EBF1: variants seen among roughly 807,000 people sequenced by gnomAD.
EBF1 encodes transcription factor COE1.
EBF1 carries 10 observed loss-of-function variants against 68.4 expected under a neutral mutation model. The observed-to-expected ratio is 0.15, with a 90% CI of 0.09 to 0.25. EBF1 has a LOEUF of 0.25. Among genes scored for constraint, EBF1 ranks in the 10% least tolerant of loss-of-function variants. The pLI is 1.00. For missense variants in EBF1, 509 were observed against 794.4 expected (o/e 0.64, Z 4.32); for synonymous variants, 298 against 299.8 (o/e 0.99, Z 0.06).
intron 6 of EBF1, among the ~76,000 whole-genome samples, chr5:158,869,343 A>G (rs1454797341): frequency 6.6e-6 from 1 of 152,104 alleles, no homozygotes; most frequent in Admixed American, 6.5e-5. Context: ...GGAGGACCCA[A>G]AGGATCTGGA....
At position 159,099,511 on chromosome 5, in the gene EBF1, C is replaced by T. The variant is rs781187371; in HGVS notation, c.-33G>A. ...ACCTTTTCTTGTGGAAAATCTCCTC[C>T]CCCTTGAAAAAAATTAAAAAAAAAA... On this transcript the variant is annotated 5_prime_UTR_variant, in exon 1 of 16. Coordinates refer to ENST00000313708, the MANE Select transcript of EBF1 (RefSeq NM_024007.5). 8.7e-6 allele frequency: 12 copies of T among 1,380,040 alleles called. No individual in the cohort carries two copies. The highest frequency in any genetic ancestry group is 1.7e-5 in the South Asian group (1 of 58,164). 85.5% of individuals were successfully genotyped at this position (1,380,040 alleles called of 1,614,324 possible).
intron 3 of EBF1, 91 bp from the exon 4 acceptor site, chr5:159,095,766 C>G: frequency 7.3e-7 from 1 of 1,362,430 alleles, no homozygotes; most frequent in Non-Finnish European, 1.0e-6. Context: ...AAAATAACAA[C>G]AAAACCCCCA....
rs183827328 is a variant in EBF1, at chr5:158,734,576, C to T, written c.1037-3419G>A. On this transcript the variant is annotated intron_variant, in intron 10 of 15. Coordinates refer to ENST00000313708, the MANE Select transcript of EBF1 (RefSeq NM_024007.5). ...GGGGTAGTCATACCTTAGGGACATA[C>T]ATCTACTCTGCAAGAATGTAATATA... Among the ~76,000 whole-genome samples, 121 of 152,212 alleles carry T rather than the reference C, an allele frequency of 7.9e-4. No homozygotes were observed. The Middle Eastern group carries it at 0.01, about 13-fold the overall frequency.
At chr5:158,755,174 GT>G (rs1554121282) in intron 10 of EBF1, among the ~76,000 whole-genome samples, 6 of 145,558 alleles carry the variant, frequency 4.1e-5, no homozygotes, top group South Asian at 4.3e-4. Context: ...TTATTGTTTT[GT>G]TTTTTTTTCA....
chr5:158,922,999 GC>G (rs1444120798), intron 6 of EBF1, among the ~76,000 whole-genome samples: 1 of 152,232 alleles, frequency 6.6e-6, no homozygotes, highest in African/African-American at 2.4e-5. Context: ...GAATGGCTGA[GC>G]CTACAATTAG....
intron 10 of EBF1, among the ~76,000 whole-genome samples, chr5:158,775,554 G>A (rs1581771877): frequency 6.6e-6 from 1 of 152,016 alleles, no homozygotes; most frequent in Middle Eastern, 3.4e-3. Flanking sequence ...AATGTTTTCG[G>A]CCAAAAACAG....
chr5:158,890,070 C>T (rs779610840), intron 6 of EBF1, among the ~76,000 whole-genome samples: 2 of 152,086 alleles, frequency 1.3e-5, no homozygotes, highest in Non-Finnish European at 2.9e-5. Context: ...ATCCAATCCC[C>T]CACAGATACG....
At chr5:158,747,002 C>T (rs1394650442) in intron 10 of EBF1, among the ~76,000 whole-genome samples, 1 of 152,180 alleles carries the variant, frequency 6.6e-6, no homozygotes, top group African/African-American at 2.4e-5. Flanking sequence ...CTAAGTCTCC[C>T]TTCTAACTCT....
At chr5:158,881,598 A>G (rs1385288746) in intron 6 of EBF1, among the ~76,000 whole-genome samples, 1 of 152,172 alleles carries the variant, frequency 6.6e-6, no homozygotes, top group East Asian at 1.9e-4. Flanking sequence ...GCAGACATTC[A>G]CCAGATTCTA....
At chr5:158,921,094 C>T (rs1197847104) in intron 6 of EBF1, among the ~76,000 whole-genome samples, 1 of 152,194 alleles carries the variant, frequency 6.6e-6, no homozygotes, top group Non-Finnish European at 1.5e-5. Context: ...GCTAATGCTG[C>T]ACACGTTTAT....
chr5:158,752,327 CAAAAAAAAA>C (rs199938065), intron 10 of EBF1, among the ~76,000 whole-genome samples: 1 of 104,912 alleles, frequency 9.5e-6, no homozygotes, highest in Admixed American at 9.8e-5. Flanking sequence ...GTATTTATTC[CAAAAAAAAA>C]AAAAAAAAAG....
At chr5:158,886,044 G>C (rs1799973049) in intron 6 of EBF1, among the ~76,000 whole-genome samples, 1 of 152,170 alleles carries the variant, frequency 6.6e-6, no homozygotes, top group Non-Finnish European at 1.5e-5. Flanking sequence ...GGCAGTGCTG[G>C]GTGTGAATGG....
At chr5:158,780,521 A>C (rs977092505) in intron 9 of EBF1, among the ~76,000 whole-genome samples, 1 of 152,216 alleles carries the variant, frequency 6.6e-6, no homozygotes, top group Non-Finnish European at 1.5e-5. Context: ...TTATTTAAAA[A>C]ACTTATTTTA....
chr5:158,854,437 G>A lies in EBF1; in HGVS notation c.555-14327C>T, dbSNP rs7731464. On this transcript the variant is annotated intron_variant, in intron 6 of 15. Coordinates refer to ENST00000313708, the MANE Select transcript of EBF1 (RefSeq NM_024007.5). ...CAGACCTTTGGCAGCTGACGGGTTG[G>A]GTGAAGGGAGAAGTTGGGAAAAGCA... 5.9e-3 allele frequency among the ~76,000 whole-genome samples: 891 copies of A among 152,296 alleles called. 12 individuals are homozygous for A. Among genetic ancestry groups the A allele is most frequent in the African/African-American group, 0.021 (854 of 41,556 alleles).
chr5:158,805,981 G>A (rs1409952410), intron 8 of EBF1, among the ~76,000 whole-genome samples: 1 of 152,012 alleles, frequency 6.6e-6, no homozygotes, highest in Non-Finnish European at 1.5e-5. Context: ...TGGGGCAGGG[G>A]TATGGGTGTG....
chr5:158,834,926 T>A (rs1020823842), intron 7 of EBF1, among the ~76,000 whole-genome samples: 10 of 152,244 alleles, frequency 6.6e-5, no homozygotes, highest in African/African-American at 2.4e-4. Context: ...TTCAGTCAGA[T>A]GTGCCAGGAC....
chr5:158,723,512 C>T (rs1168336800), intron 11 of EBF1, among the ~76,000 whole-genome samples: 1 of 152,048 alleles, frequency 6.6e-6, no homozygotes, highest in African/African-American at 2.4e-5. Flanking sequence ...TAATAATCCC[C>T]ATTTATTTTC....
chr5:159,051,335 C>T (rs1773622781), intron 6 of EBF1, among the ~76,000 whole-genome samples: 1 of 150,414 alleles, frequency 6.6e-6, no homozygotes, highest in Non-Finnish European at 1.5e-5. Context: ...CACCCTGTCC[C>T]CTCTCTCCCC....
At chr5:158,895,234 G>C (rs1353771849) in intron 6 of EBF1, among the ~76,000 whole-genome samples, 1 of 152,114 alleles carries the variant, frequency 6.6e-6, no homozygotes, top group Admixed American at 6.5e-5. Context: ...AGAGTACTCA[G>C]TACAGCACTT....
Sources: allele counts gnomAD v4.1 joint callset (sites outside exome capture counted in the v4.1 genomes callset), GRCh38; gene constraint gnomAD v4.1.1; transcripts MANE v1.5; gene names NCBI Gene and HGNC (gene_info 2026-07-23, HGNC 2026-07-21).